The following CRYL1 variants were observed in gnomAD, a reference collection of about 807,000 sequenced individuals.
CRYL1 encodes crystallin lambda 1, also known as lambda-crystallin homolog.
In CRYL1, 29 loss-of-function variants were observed where a neutral mutation model predicts 36.6. The observed-to-expected ratio is 0.79, with a 90% CI of 0.59 to 1.08. CRYL1 has a LOEUF of 1.08. Among genes scored for constraint, CRYL1 ranks in the 50% least tolerant of loss-of-function variants. The probability of loss-of-function intolerance (pLI) is 0.00; values close to 1 mark genes in which losing one functional copy is unlikely to be tolerated. For synonymous variants in CRYL1, 152 were observed against 151.5 expected, an observed-to-expected ratio of 1.00 and a Z score of -0.02; for missense variants, 411 against 407.9, an observed-to-expected ratio of 1.01 and a Z score of -0.06.
In CRYL1 at chr13:20,481,912, G is replaced by A. The variant is rs6490586; in HGVS notation, c.276+7458C>T. ...GGTGACAAAGGTGCGACTCCATCTC[G>A]AAAGGAAAAAGAAAAAACACATACA... On this transcript the variant is annotated intron_variant, in intron 3 of 7. Coordinates refer to ENST00000298248, the MANE Select transcript of CRYL1 (RefSeq NM_015974.3). This position sits in a 1 kb window ranked among gnomAD's most constrained non-coding sequence, Gnocchi z 4.1. 0.97 allele frequency among the ~76,000 whole-genome samples: 147,613 copies of A among 152,206 alleles called. 71,735 individuals are homozygous for A. Among genetic ancestry groups the A allele is most frequent in the East Asian group, 1 (5,180 of 5,180 alleles).
chr13:20,410,897 G>A (rs1306764554), intron 6 of CRYL1, among the ~76,000 whole-genome samples: 1 of 152,198 alleles, frequency 6.6e-6, no homozygotes, highest in Non-Finnish European at 1.5e-5. Flanking sequence ...CCGGCCGGCT[G>A]GCTCCACAGG....
At chr13:20,513,469 C>G (rs1355684408) in intron 1 of CRYL1, 1 of 152,230 alleles carries the variant, frequency 6.6e-6, no homozygotes, top group East Asian at 1.9e-4. Flanking sequence ...ATCTTTACAA[C>G]AACCCTACAA....
rs145403215 is a variant in CRYL1, at chr13:20,505,634, A to C, written c.149+6809T>G. 7.1e-4 allele frequency among the ~76,000 whole-genome samples: 108 copies of C among 152,266 alleles called. No homozygotes were observed. In the East Asian group the frequency reaches 0.018, roughly 26 times the overall value. ...CACACGTCACTGCATAGTGAGGGACACTGGGGGTGTGATGTATGGTCTGTC... is the reference window on the plus strand; with the variant it reads ...CACACGTCACTGCATAGTGAGGGACCCTGGGGGTGTGATGTATGGTCTGTC... On this transcript the variant is annotated intron_variant, in intron 2 of 7. Transcript: ENST00000298248.
At chr13:20,486,550 T>A (rs2033405105) in intron 3 of CRYL1, among the ~76,000 whole-genome samples, 1 of 139,660 alleles carries the variant, frequency 7.2e-6, no homozygotes, top group African/African-American at 2.6e-5. Context: ...CGGTCAGAAC[T>A]ATTCCTACCC....
chr13:20,448,046 C>G (rs2032493983), intron 3 of CRYL1, among the ~76,000 whole-genome samples: 1 of 152,034 alleles, frequency 6.6e-6, no homozygotes, highest in Non-Finnish European at 1.5e-5. Context: ...TTTAAAATAG[C>G]TATGATTAAT....
intron 1 of CRYL1, among the ~76,000 whole-genome samples, chr13:20,513,885 G>C (rs1352500357): frequency 6.8e-6 from 1 of 147,406 alleles, no homozygotes; most frequent in Non-Finnish European, 1.5e-5. Context: ...GGAGCAGTTT[G>C]TAGCACCAAA....
intron 3 of CRYL1, among the ~76,000 whole-genome samples, chr13:20,448,125 C>A (rs2032494926): frequency 6.6e-6 from 1 of 152,110 alleles, no homozygotes; most frequent in Non-Finnish European, 1.5e-5. Flanking sequence ...AAAGAGAATG[C>A]TAAAACTGAA....
chr13:20,430,222 G>A, intron 5 of CRYL1: 1 of 984,354 alleles, frequency 1.0e-6, no homozygotes, highest in Non-Finnish European at 1.2e-6. Flanking sequence ...CTTTCACCAA[G>A]GTAATTCTTT....
chr13:20,443,761 A>G (rs1002045396), intron 3 of CRYL1, among the ~76,000 whole-genome samples: 1 of 152,230 alleles, frequency 6.6e-6, no homozygotes, highest in African/African-American at 2.4e-5. Context: ...GATATCTGGA[A>G]GCAGCTTTCA....
chr13:20,450,391 A>G (rs11619690), intron 3 of CRYL1, among the ~76,000 whole-genome samples: 37,101 of 152,164 alleles, frequency 0.24, 5,215 homozygotes, highest in Non-Finnish European at 0.32. Flanking sequence ...AGCCATATGC[A>G]GAAGAATGGA....
chr13:20,507,902 A>T (rs1199273187), intron 2 of CRYL1, among the ~76,000 whole-genome samples: 1 of 150,010 alleles, frequency 6.7e-6, no homozygotes, highest in Non-Finnish European at 1.5e-5. Flanking sequence ...TGGGCAACAG[A>T]GCAAGACTTT....
chr13:20,479,829 G>A (rs2033240103), intron 3 of CRYL1, among the ~76,000 whole-genome samples: 1 of 152,164 alleles, frequency 6.6e-6, no homozygotes, highest in Admixed American at 6.5e-5. Context: ...AAACTGGCTG[G>A]CCCAGCCCTG....
chr13:20,482,583 T>G (rs2033299543), intron 3 of CRYL1, among the ~76,000 whole-genome samples: 1 of 152,226 alleles, frequency 6.6e-6, no homozygotes, highest in African/African-American at 2.4e-5. Flanking sequence ...CAGCAGAGTA[T>G]TAGGAAACGT....
intron 2 of CRYL1, among the ~76,000 whole-genome samples, chr13:20,501,148 T>C (rs1032018139): frequency 3.3e-5 from 5 of 152,232 alleles, no homozygotes; most frequent in Non-Finnish European, 5.9e-5. Context: ...TAAAGCCTTC[T>C]TCCTTGGCTG....
chr13:20,509,399 A>G (rs2033872956), intron 2 of CRYL1, among the ~76,000 whole-genome samples: 1 of 151,988 alleles, frequency 6.6e-6, no homozygotes, highest in African/African-American at 2.4e-5. Context: ...CAGCACTATG[A>G]TGGACCAGAA....
chr13:20,524,915 A>T (rs1397957397), intron 1 of CRYL1, among the ~76,000 whole-genome samples: 1 of 151,838 alleles, frequency 6.6e-6, no homozygotes, highest in Non-Finnish European at 1.5e-5. Flanking sequence ...AGTCACCAAA[A>T]AGGTGCTTTT....
intron 1 of CRYL1, among the ~76,000 whole-genome samples, chr13:20,519,435 T>A (rs1463315541): frequency 4.0e-5 from 6 of 151,342 alleles, no homozygotes; most frequent in African/African-American, 1.4e-4. Flanking sequence ...AACTACCAGT[T>A]TCAGGAAATG....
chr13:20,445,836 G>C (rs965125445), intron 3 of CRYL1, among the ~76,000 whole-genome samples: 20 of 152,326 alleles, frequency 1.3e-4, no homozygotes, highest in African/African-American at 4.6e-4. Context: ...CTTATCATAA[G>C]AGAATCAAGG....
At chr13:20,444,323 C>A (rs1195206907) in intron 3 of CRYL1, among the ~76,000 whole-genome samples, 4 of 152,062 alleles carry the variant, frequency 2.6e-5, no homozygotes, top group African/African-American at 9.7e-5. Context: ...ACAGTTCTGC[C>A]ATAATTGAGA....
Sources: allele counts gnomAD v4.1 joint callset (sites outside exome capture counted in the v4.1 genomes callset), GRCh38; gene constraint gnomAD v4.1.1; non-coding constraint Gnocchi (gnomAD v3.1); transcripts MANE v1.5; gene names NCBI Gene and HGNC (gene_info 2026-07-23, HGNC 2026-07-21).